Variants in GPC5 observed in about 807,000 individuals in gnomAD.
The protein encoded by GPC5 is glypican 5.
Under a neutral mutation model 53.9 loss-of-function variants are expected in GPC5, and 47 were observed. That is an observed-to-expected ratio of 0.87 (90% CI 0.69 to 1.11). The LOEUF is 1.11. GPC5 is among the 50% of genes most tolerant of loss of function. The pLI, the probability that GPC5 is intolerant of heterozygous loss-of-function variation, is 0.00. For missense variants in GPC5, 748 were observed against 713.1 expected (o/e 1.05, Z -0.56); for synonymous variants, 286 against 263.3 (o/e 1.09, Z -0.84).
intron 5 of GPC5, among the ~76,000 whole-genome samples, chr13:91,834,804 C>A (rs1479978915): frequency 6.6e-6 from 1 of 152,068 alleles, no homozygotes; most frequent in African/African-American, 2.4e-5. Flanking sequence ...TAGAAGAAAA[C>A]GTAGGCAATA....
intron 2 of GPC5, among the ~76,000 whole-genome samples, chr13:91,464,661 T>C (rs1882127160): frequency 6.6e-6 from 1 of 152,100 alleles, no homozygotes; most frequent in Non-Finnish European, 1.5e-5. Context: ...TAAGTTGTGG[T>C]TCCCTGGGGT....
At chr13:91,602,971 C>T (rs1033260256) in intron 2 of GPC5, among the ~76,000 whole-genome samples, 3 of 152,142 alleles carry the variant, frequency 2.0e-5, no homozygotes, top group African/African-American at 7.2e-5. Context: ...TGTTTGAATC[C>T]ACCAATGTAC....
At chr13:92,502,085 A>G (rs1284426372) in intron 7 of GPC5, among the ~76,000 whole-genome samples, 1 of 152,100 alleles carries the variant, frequency 6.6e-6, no homozygotes, top group Non-Finnish European at 1.5e-5. Flanking sequence ...TTGGTAATAT[A>G]TAGTAATGAG....
chr13:92,155,553 C>T (rs548087292), intron 7 of GPC5, among the ~76,000 whole-genome samples: 2 of 152,094 alleles, frequency 1.3e-5, no homozygotes, highest in African/African-American at 4.8e-5. Flanking sequence ...AACTTTCTTC[C>T]TCAGGAGCAC....
intron 2 of GPC5, among the ~76,000 whole-genome samples, chr13:91,542,365 CTG>C (rs1189943440): frequency 6.6e-6 from 1 of 152,182 alleles, no homozygotes; most frequent in Non-Finnish European, 1.5e-5. Context: ...TTAGAAGAAA[CTG>C]TGAGGCAAAT....
At chr13:91,515,119 A>C (rs928600441) in intron 2 of GPC5, among the ~76,000 whole-genome samples, 2 of 152,234 alleles carry the variant, frequency 1.3e-5, no homozygotes, top group Admixed American at 6.5e-5. Flanking sequence ...CTGTATTCAC[A>C]GAATGTTTTA....
At chr13:91,438,101 G>A (rs1880129032) in intron 1 of GPC5, among the ~76,000 whole-genome samples, 1 of 151,996 alleles carries the variant, frequency 6.6e-6, no homozygotes, top group South Asian at 2.1e-4. Context: ...TCTTTGCCAT[G>A]GGTTCGAACT....
chr13:92,253,728 A>G (rs2042707657), intron 7 of GPC5, among the ~76,000 whole-genome samples: 1 of 152,156 alleles, frequency 6.6e-6, no homozygotes, highest in Non-Finnish European at 1.5e-5. Flanking sequence ...ATGAAAGTTT[A>G]GAATAACATG....
intron 7 of GPC5, among the ~76,000 whole-genome samples, chr13:92,252,248 T>C (rs2042697529): frequency 6.6e-6 from 1 of 152,158 alleles, no homozygotes; most frequent in Non-Finnish European, 1.5e-5. Context: ...TTAGTTTTTA[T>C]TTATAAAGCA....
At chr13:91,751,808 C>A (rs1400693660) in intron 4 of GPC5, among the ~76,000 whole-genome samples, 1 of 152,098 alleles carries the variant, frequency 6.6e-6, no homozygotes, top group African/African-American at 2.4e-5. Context: ...TTTAATTTTT[C>A]TTTTTTGGAA....
At chr13:91,485,905 C>T (rs1883581641) in intron 2 of GPC5, 1 of 152,112 alleles carries the variant, frequency 6.6e-6, no homozygotes, top group South Asian at 2.1e-4. Flanking sequence ...TTCTGCATTC[C>T]AAGGGAAGTT....
rs534854632 is a variant in GPC5, at chr13:92,650,021, T to A, written c.1562-216261T>A. Among the ~76,000 whole-genome samples the A allele has an allele frequency of 1.0e-3, 154 of 152,260 alleles. 2 individuals are homozygous for A. Among genetic ancestry groups the A allele is most frequent in the Non-Finnish European group, 5.4e-4 (37 of 68,002 alleles). On this transcript the variant is annotated intron_variant, in intron 7 of 7. Coordinates refer to ENST00000377067, the MANE Select transcript of GPC5 (RefSeq NM_004466.6). The stretch of plus-strand genomic sequence containing the variant: ...GAACTTTAAATATAAAGACTCAATG[T>A]TGATTTGAGGGATTTTTGTTGTTGT...
intron 7 of GPC5, among the ~76,000 whole-genome samples, chr13:92,753,588 T>A (rs921779492): frequency 1.3e-5 from 2 of 151,742 alleles, no homozygotes; most frequent in Non-Finnish European, 2.9e-5. Flanking sequence ...TTGAAAAAAA[T>A]TTAGAAGAAT....
At chr13:92,234,576 TG>T (rs561610200) in intron 7 of GPC5, among the ~76,000 whole-genome samples, 14 of 150,752 alleles carry the variant, frequency 9.3e-5, no homozygotes, top group Non-Finnish European at 2.1e-4. Context: ...GGGTTTGGGC[TG>T]GGGGGCAATA....
In GPC5 at chr13:92,835,441, T is replaced by C. The variant is rs148379020; in HGVS notation, c.1562-30841T>C. Among the ~76,000 whole-genome samples, 191 of 152,174 alleles carry C rather than the reference T, an allele frequency of 1.3e-3. 4 individuals are homozygous for C. The highest frequency in any genetic ancestry group is 1.4e-3 in the East Asian group (7 of 5,180). Reference sequence around the variant, plus strand: ...TTGTAAAAATGGAAACATGTTTTTCTGTATCTTGATTTTCTCAGTCAATAG... The same window carrying C: ...TTGTAAAAATGGAAACATGTTTTTCCGTATCTTGATTTTCTCAGTCAATAG... On this transcript the variant is annotated intron_variant, in intron 7 of 7. Transcript: ENST00000377067.
At chr13:92,647,826 TA>T (rs1191192263) in intron 7 of GPC5, among the ~76,000 whole-genome samples, 2 of 152,112 alleles carry the variant, frequency 1.3e-5, no homozygotes, top group African/African-American at 4.8e-5. Context: ...AGAATATATA[TA>T]TTTTTCATTC....
intron 6 of GPC5, among the ~76,000 whole-genome samples, chr13:91,996,923 T>C (rs1027664177): frequency 6.6e-6 from 1 of 152,160 alleles, no homozygotes; most frequent in African/African-American, 2.4e-5. Context: ...CATACAAATA[T>C]AATACCACTT....
chr13:92,327,601 G>A (rs1276608959), intron 7 of GPC5, among the ~76,000 whole-genome samples: 1 of 152,042 alleles, frequency 6.6e-6, no homozygotes, highest in Non-Finnish European at 1.5e-5. Flanking sequence ...AATAATAGAA[G>A]AACCAGTAAT....
intron 7 of GPC5, among the ~76,000 whole-genome samples, chr13:92,523,072 A>G (rs890876219): frequency 1.3e-5 from 2 of 152,150 alleles, no homozygotes; most frequent in African/African-American, 4.8e-5. Context: ...CGGAAAAGTG[A>G]TATAGGATGT....
Sources: allele counts gnomAD v4.1 joint callset (sites outside exome capture counted in the v4.1 genomes callset), GRCh38; gene constraint gnomAD v4.1.1; transcripts MANE v1.5; gene names NCBI Gene and HGNC (gene_info 2026-07-23, HGNC 2026-07-21).